RNF38: variants seen among roughly 807,000 people sequenced by gnomAD.
RNF38 encodes the protein ring finger protein 38.
Under a neutral mutation model 67.2 loss-of-function variants are expected in RNF38, and 15 were observed. The ratio of observed to expected loss-of-function variants is 0.22; its 90% CI spans 0.15 to 0.34. The LOEUF (loss-of-function observed/expected upper bound fraction) is 0.34, where lower values mean the gene tolerates loss of function less well. Ranked by LOEUF, RNF38 falls within the 10% of genes least tolerant of loss-of-function variation. The pLI is 1.00. For synonymous variants in RNF38, 220 were observed against 218.8 expected, an observed-to-expected ratio of 1.01 and a Z score of -0.05; for missense variants, 524 against 639.9, an observed-to-expected ratio of 0.82 and a Z score of 1.95.
chr9:36,442,508 G>A (rs1024512328), intron 1 of RNF38, among the ~76,000 whole-genome samples: 2 of 152,188 alleles, frequency 1.3e-5, no homozygotes, highest in Non-Finnish European at 2.9e-5. Flanking sequence ...CCTGCCAGGC[G>A]CAGTGGCTCA....
At chr9:36,450,536 A>G (rs957904628) in intron 1 of RNF38, among the ~76,000 whole-genome samples, 2 of 152,214 alleles carry the variant, frequency 1.3e-5, no homozygotes, top group African/African-American at 2.4e-5. Flanking sequence ...TTCAGGGAAC[A>G]ATTTTAAAAC....
chr9:36,485,923 A>AC, intron 1 of RNF38, among the ~76,000 whole-genome samples: 1 of 152,274 alleles, frequency 6.6e-6, no homozygotes, highest in Admixed American at 6.5e-5. Flanking sequence ...GTTTCTATAA[A>AC]AGTATAGCTG....
intron 2 of RNF38, among the ~76,000 whole-genome samples, chr9:36,420,907 G>A (rs1838606796): frequency 6.7e-6 from 1 of 149,858 alleles, no homozygotes; most frequent in Admixed American, 6.7e-5. Flanking sequence ...GCTGGAATCA[G>A]TTTCTTCCAG....
chr9:36,415,866 G>A (rs1344670836), intron 2 of RNF38, among the ~76,000 whole-genome samples: 1 of 152,008 alleles, frequency 6.6e-6, no homozygotes, highest in Non-Finnish European at 1.5e-5. Context: ...AGTGGAATTT[G>A]CTATTATTTT....
At chr9:36,374,810 G>C (rs1193143794) in intron 3 of RNF38, among the ~76,000 whole-genome samples, 1 of 152,158 alleles carries the variant, frequency 6.6e-6, no homozygotes, top group Non-Finnish European at 1.5e-5. Context: ...ATCCTGCTGG[G>C]TAAGGGTCCT....
chr9:36,461,339 G>C (rs1298121493), intron 1 of RNF38, among the ~76,000 whole-genome samples: 1 of 152,208 alleles, frequency 6.6e-6, no homozygotes, highest in East Asian at 1.9e-4. Context: ...ACAGAGCAGA[G>C]AGGTAAAACC....
intron 1 of RNF38, among the ~76,000 whole-genome samples, chr9:36,477,293 AGCCTGGGT>A (rs981665195): frequency 1.1e-4 from 17 of 151,644 alleles, no homozygotes; most frequent in African/African-American, 4.1e-4. Flanking sequence ...ACTGCACTCC[AGCCTGGGT>A]GACAGAGCAA....
At chr9:36,441,855 T>C (rs1374117127) in intron 1 of RNF38, among the ~76,000 whole-genome samples, 1 of 152,194 alleles carries the variant, frequency 6.6e-6, no homozygotes, top group Non-Finnish European at 1.5e-5. Context: ...CACAGCTATT[T>C]AAGGAATGAC....
At chr9:36,431,179 A>G in intron 1 of RNF38, among the ~76,000 whole-genome samples, 1 of 152,326 alleles carries the variant, frequency 6.6e-6, no homozygotes, top group South Asian at 2.1e-4. Context: ...TCAAGGAAAC[A>G]TCTATAATCA....
intron 2 of RNF38, among the ~76,000 whole-genome samples, chr9:36,387,290 T>TG (rs1564030380): frequency 6.6e-6 from 1 of 152,240 alleles, no homozygotes. Context: ...AACCCTCTCC[T>TG]GGGGTCTGGA....
intron 2 of RNF38, among the ~76,000 whole-genome samples, chr9:36,376,595 C>G (rs77872077): frequency 0.054 from 8,203 of 151,818 alleles, 702 homozygotes; most frequent in African/African-American, 0.18. Flanking sequence ...CTCCCTCCTT[C>G]TATCTGTTTA....
Position 36,423,926 on chromosome 9 carries a change from G to A in RNF38, n.312+687C>T, listed in dbSNP as rs1431489733. On this transcript the variant is annotated intron_variant and non_coding_transcript_variant, in intron 2 of 3. Coordinates refer to the RNF38 transcript ENST00000488058. Reference sequence around the variant, plus strand: ...ATTGCGCCACTGCACTCCAGCCTGGGCGACAGAGCGAGACTCCGTCTCAAA... The same window carrying A: ...ATTGCGCCACTGCACTCCAGCCTGGACGACAGAGCGAGACTCCGTCTCAAA... Among the ~76,000 whole-genome samples, 4 of 137,244 alleles carry A rather than the reference G, an allele frequency of 2.9e-5. 2 individuals are homozygous for A. Among genetic ancestry groups the A allele is most frequent in the Admixed American group, 1.6e-4 (2 of 12,828 alleles). The allele number at this position is 137,244 out of a possible 152,430, so 90.0% of individuals were successfully genotyped here.
intron 7 of RNF38, 51 bp downstream of exon 7, chr9:36,353,119 C>T: frequency 6.9e-7 from 1 of 1,458,512 alleles, no homozygotes. Flanking sequence ...TAACTCAGAA[C>T]AAGTAAGTTG....
chr9:36,361,691 T>C (rs555975622), intron 4 of RNF38, among the ~76,000 whole-genome samples: 9 of 152,188 alleles, frequency 5.9e-5, no homozygotes, highest in Non-Finnish European at 1.0e-4. Context: ...TTCAGTGTCA[T>C]TGTCTGGTTT....
chr9:36,485,992 C>G (rs1044094553), intron 1 of RNF38, among the ~76,000 whole-genome samples: 1 of 152,170 alleles, frequency 6.6e-6, no homozygotes, highest in Admixed American at 6.5e-5. Flanking sequence ...TTGTAAGCTA[C>G]CATCCACCTC....
intron 1 of RNF38, among the ~76,000 whole-genome samples, chr9:36,477,425 C>T (rs1292594474): frequency 6.6e-6 from 1 of 152,030 alleles, no homozygotes; most frequent in Non-Finnish European, 1.5e-5. Context: ...CCTATAATCC[C>T]AGCACTTTAG....
At chr9:36,363,712 C>T (rs1258904810) in intron 4 of RNF38, among the ~76,000 whole-genome samples, 1 of 99,732 alleles carries the variant, frequency 1.0e-5, no homozygotes, top group Admixed American at 9.2e-5. Context: ...GCCTACTACA[C>T]ACCTAGGCTT....
At chr9:36,370,157 T>C (rs1835267676) in intron 3 of RNF38, among the ~76,000 whole-genome samples, 1 of 152,198 alleles carries the variant, frequency 6.6e-6, no homozygotes, top group South Asian at 2.1e-4. Context: ...TCTGAAAGTA[T>C]TTAGAAATCA....
chr9:36,419,316 C>T (rs1375461726), intron 2 of RNF38, among the ~76,000 whole-genome samples: 1 of 152,138 alleles, frequency 6.6e-6, no homozygotes, highest in African/African-American at 2.4e-5. Context: ...TTACTTATAC[C>T]ACAAGCTGGA....
Sources: allele counts gnomAD v4.1 joint callset (sites outside exome capture counted in the v4.1 genomes callset), GRCh38; gene constraint gnomAD v4.1.1; transcripts MANE v1.5; gene names NCBI Gene and HGNC (gene_info 2026-07-23, HGNC 2026-07-21).